The following CCDC125 variants were observed in gnomAD, a reference collection of about 807,000 sequenced individuals.
The protein encoded by CCDC125 is coiled-coil domain containing 125, also known as coiled-coil domain-containing protein 125.
Under a neutral mutation model 57.4 loss-of-function variants are expected in CCDC125, and 43 were observed. The observed-to-expected ratio is 0.75, with a 90% confidence interval of 0.59 to 0.97. The LOEUF (loss-of-function observed/expected upper bound fraction) is 0.97, where lower values mean the gene tolerates loss of function less well. Ranked by LOEUF, CCDC125 falls within the 50% of genes least tolerant of loss-of-function variation. CCDC125 has a pLI of 0.00. For synonymous variants in CCDC125, 187 were observed against 195.2 expected (o/e 0.96, Z 0.35); for missense variants, 563 against 595.7 (o/e 0.95, Z 0.57).
intron 11 of CCDC125, among the ~76,000 whole-genome samples, chr5:69,284,290 C>G (rs1752961141): frequency 6.6e-6 from 1 of 151,910 alleles, no homozygotes; most frequent in Admixed American, 6.6e-5. Flanking sequence ...TATAAAATTG[C>G]TTTCATATAT....
intron 1 of CCDC125, among the ~76,000 whole-genome samples, chr5:69,322,315 T>C (rs571577274): frequency 6.6e-6 from 1 of 152,210 alleles, no homozygotes; most frequent in South Asian, 2.1e-4. Flanking sequence ...ATTCAATAAA[T>C]ACTTGTTTAG....
In CCDC125 at chr5:69,304,434, T is replaced by TC. The variant is rs1757013679; in HGVS notation, c.618-506_618-505insG. 2.0e-5 allele frequency among the ~76,000 whole-genome samples: 3 copies of TC among 150,200 alleles called. No individual in the cohort carries two copies. The South Asian group carries it at 6.3e-4, about 32-fold the overall frequency. On this transcript the variant is annotated intron_variant, in intron 6 of 11. Coordinates refer to ENST00000396496, the MANE Select transcript of CCDC125 (RefSeq NM_176816.5). ...TTTTAAACATACCCTTTTTTTTTTT[T>TC]TTTCTTTTTGAGACGGAGTCTTGCT... is the stretch of plus-strand genomic sequence containing the variant.
chr5:69,332,606 C>T (rs979186079), intron 1 of CCDC125, 43 bp downstream of exon 1: 28 of 152,310 alleles, frequency 1.8e-4, no homozygotes, highest in African/African-American at 5.3e-4. Flanking sequence ...CGAATCTGCG[C>T]ATCCCGCCCC....
At chr5:69,307,696 A>AAG in intron 5 of CCDC125, 1 of 421,880 alleles carries the variant, frequency 2.4e-6, no homozygotes. Context: ...AAAAAAAAAA[A>AAG]GAAGAAGAAA....
At position 69,282,961 on chromosome 5, in the gene CCDC125, T is replaced by TTGTC. The variant is rs1396467289; in HGVS notation, c.1300_1303dup (p.Lys435ArgfsTer10). ...TTTATTCTCGTTTGAAGCAGTGTCT[T>TTGTC]TGTCTTCCAATGCCCGAGCAAGCAT... On this transcript the variant is annotated frameshift_variant, in exon 12 of 12. Coordinates refer to ENST00000396496, the MANE Select transcript of CCDC125 (RefSeq NM_176816.5). LOFTEE classifies it low-confidence loss of function (END_TRUNC). The TTGTC allele has an allele frequency of 6.2e-7, 1 of 1,613,588 alleles. No individual in the cohort carries two copies. The highest frequency in any genetic ancestry group is 1.1e-5 in the South Asian group (1 of 90,850).
chr5:69,300,240 A>G, intron 7 of CCDC125, 113 bp from the exon 8 acceptor site: 1 of 761,248 alleles, frequency 1.3e-6, no homozygotes. Flanking sequence ...ACTACCCACA[A>G]CATCGGGCTC....
chr5:69,282,036 A>C lies in CCDC125; in HGVS notation c.*693T>G, dbSNP rs1752527649. 1.3e-5 allele frequency: 2 copies of C among 151,952 alleles called. No individual in the cohort carries two copies. The highest frequency in any genetic ancestry group is 4.8e-5 in the African/African-American group (2 of 41,342). The allele number at this position is 151,952 out of a possible 1,614,324, so 9.4% of individuals were successfully genotyped here. A position where few individuals can be genotyped will look rare whatever the true frequency, so the allele number is the denominator to read the frequency against. ...CTCCCAAGTAGCTGGGATTACAGGC[A>C]TGCGCCACTAGGCCTAGCTAATTTT... is the stretch of plus-strand genomic sequence containing the variant. On this transcript the variant is annotated 3_prime_UTR_variant, in exon 12 of 12. Coordinates refer to ENST00000396496, the MANE Select transcript of CCDC125 (RefSeq NM_176816.5).
At chr5:69,276,989 A>G, downstream of CCDC125, 1 of 869,826 alleles carries the variant, frequency 1.1e-6, no homozygotes, top group Non-Finnish European at 1.8e-6. Context: ...GCTACTGGAA[A>G]AAATGTGTCA....
chr5:69,300,098 C>A lies in CCDC125; in HGVS notation c.730G>T (p.Ala244Ser). The A allele has an allele frequency of 1.2e-6, 2 of 1,614,114 alleles. No individual in the cohort carries two copies. The highest frequency in any genetic ancestry group is 3.3e-4 in the Middle Eastern group (2 of 6,062). Residue 244 changes from alanine to serine, a missense_variant, in exon 8 of 12, where the codon GCC (alanine) becomes TCC (serine). By Grantham distance (99) the Ala-to-Ser change is moderately conservative. Coordinates refer to ENST00000396496, the MANE Select transcript of CCDC125 (RefSeq NM_176816.5). ...TTCTGCTGTTTGATATCAAGCATGG[C>A]GAGGGCCTCCAAATACCGTTGATTC... ...VLNQRYLEAL[A>S]MLDIKQQKMA...
intron 1 of CCDC125, among the ~76,000 whole-genome samples, chr5:69,332,254 T>C (rs1761507235): frequency 6.6e-6 from 1 of 152,250 alleles, no homozygotes; most frequent in Non-Finnish European, 1.5e-5. Flanking sequence ...TAAGAATTCC[T>C]GTGTACCTTT....
chr5:69,299,799 C>T (rs1382985588), intron 8 of CCDC125, among the ~76,000 whole-genome samples: 1 of 152,180 alleles, frequency 6.6e-6, no homozygotes, highest in Non-Finnish European at 1.5e-5. Flanking sequence ...GCAGAAGTGG[C>T]CAGCACATTC....
chr5:69,300,064 T>C lies in CCDC125; in HGVS notation c.764A>G (p.Gln255Arg). The C allele has an allele frequency of 6.2e-7, 1 of 1,614,246 alleles. No individual in the cohort carries two copies. The highest frequency in any genetic ancestry group is 2.2e-5 in the East Asian group (1 of 44,888). ...MLDIKQQKMAQENMCCDKSGF... is the reference protein window; with the variant it reads ...MLDIKQQKMARENMCCDKSGF... ...ACTTTTATCACAGCACATGTTTTCC[T>C]GAGCCATCTTCTGCTGTTTGATATC... The change falls in exon 8 of 12, where the codon CAG (glutamine) becomes CGG (arginine). Residue 255 changes from glutamine (Q) to arginine (R), a missense_variant. By Grantham distance (43) the Gln-to-Arg change is conservative. Coordinates refer to ENST00000396496, the MANE Select transcript of CCDC125 (RefSeq NM_176816.5).
rs111417600 is a variant in CCDC125, at chr5:69,320,398, G to T, written c.143C>A (p.Ser48Tyr). 6.2e-7 allele frequency: 1 copy of T among 1,613,950 alleles called. No homozygotes were observed. Among genetic ancestry groups the T allele is most frequent in the Admixed American group, 1.7e-5 (1 of 59,986 alleles). Residue 48 changes from serine (S) to tyrosine (Y), a missense_variant, in exon 2 of 12, where the codon TCT becomes TAT. Physicochemically the swap from Ser to Tyr is moderately radical, Grantham distance 144. Transcript: ENST00000396496. ...GIYEIEFSHR[S>Y]RKRSDGKNFS... ...GTTCTTTCCATCTGATCTTTTTCTA[G>T]ACCTATGTGAAAATTCTATTTCATA... is the stretch of plus-strand genomic sequence containing the variant.
intron 5 of CCDC125, 59 bp downstream of exon 5, chr5:69,307,892 G>T (rs1757585337): frequency 1.5e-6 from 2 of 1,348,012 alleles, no homozygotes; most frequent in African/African-American, 1.4e-5. Flanking sequence ...GTGAGTTTAG[G>T]GAAATTATAT....
Position 69,299,284 on chromosome 5 carries a change from T to C in CCDC125, c.816+728A>G, listed in dbSNP as rs1561434602. The stretch of plus-strand genomic sequence containing the variant: ...GCCACCGCGCCTGGCTAATTTTTTG[T>C]ATTTTTAGTAGAGACAGGGTTTCAC... On this transcript the variant is annotated intron_variant, in intron 8 of 11. Transcript: ENST00000396496. Among the ~76,000 whole-genome samples, 6 of 152,122 alleles carry C rather than the reference T, an allele frequency of 3.9e-5. No individual in the cohort carries two copies. In the South Asian group the frequency reaches 1.2e-3, roughly 32 times the overall value.
the CCDC125 span, among the ~76,000 whole-genome samples, chr5:69,274,286 C>T: frequency 1.3e-5 from 2 of 151,986 alleles, no homozygotes; most frequent in Non-Finnish European, 2.9e-5. Flanking sequence ...ATCTTTAGCC[C>T]AGAATTAGCC....
At chr5:69,285,562 G>A (rs3890705) in intron 10 of CCDC125, 95 bp from the exon 11 acceptor site, 493,997 of 1,231,992 alleles carry the variant, frequency 0.4, 102,547 homozygotes, top group Non-Finnish European at 0.44. Flanking sequence ...GGACAAGTGA[G>A]TCCAGGAGCA....
chr5:69,299,236 A>G (rs1349664141), intron 8 of CCDC125, among the ~76,000 whole-genome samples: 1 of 151,894 alleles, frequency 6.6e-6, no homozygotes, highest in Non-Finnish European at 1.5e-5. Flanking sequence ...CAGCCTCCCA[A>G]GTAGCTGGGA....
At chr5:69,315,451 A>AC (rs1561468135) in intron 2 of CCDC125, among the ~76,000 whole-genome samples, 7 of 6,942 alleles carry the variant, frequency 1.0e-3, no homozygotes, top group Admixed American at 2.3e-3. Context: ...AAAAAAAAAC[A>AC]AAAAAAAAAA....
Sources: gnomAD v4.1 joint callset for allele counts (sites outside exome capture counted in the v4.1 genomes callset) on GRCh38, gnomAD v4.1.1 for gene constraint, MANE v1.5 for transcripts, NCBI Gene and HGNC (gene_info 2026-07-23, HGNC 2026-07-21) for gene names.